The following CNOT1 variants were observed in gnomAD, a reference collection of about 807,000 sequenced individuals.
CNOT1 encodes the protein CCR4-associated factor 1.
Under a neutral mutation model 273.8 loss-of-function variants are expected in CNOT1, and 15 were observed. The ratio of observed to expected loss-of-function variants is 0.05; its 90% CI spans 0.04 to 0.08. The LOEUF is 0.08. CNOT1 is among the 10% of genes least tolerant of loss of function. The pLI is 1.00. For synonymous variants in CNOT1, 1,022 were observed against 1,005.5 expected (o/e 1.02, Z -0.31); for missense variants, 1,644 against 2,912.2 (o/e 0.56, Z 10.02).
chr16:58,538,027 C>G lies in CNOT1; in HGVS notation c.5278G>C (p.Ala1760Pro). ...ATTTTTACTAACTGCATAGCAAATG[C>G]CACAGCCATGTAGTTTAAGCCATTC... The part of the protein sequence containing the change: ...MENGLNYMAV[A>P]FAMQLVKILL... The change falls in exon 38 of 49, where the codon GCA becomes CCA. Residue 1760 changes from alanine (A) to proline (P), a missense_variant. By Grantham distance (27) the Ala-to-Pro change is conservative. This residue lies in a region of CNOT1 where 170 missense variants were observed against 273.1 expected (regional missense o/e 0.62). Coordinates refer to ENST00000317147, the MANE Select transcript of CNOT1 (RefSeq NM_016284.5). The G allele has an allele frequency of 6.2e-7, 1 of 1,614,150 alleles. No individual in the cohort carries two copies. Among genetic ancestry groups the G allele is most frequent in the Non-Finnish European group, 8.5e-7 (1 of 1,180,032 alleles).
chr16:58,532,564 T>C, intron 40 of CNOT1, 169 bp from the exon 41 acceptor site: 1 of 1,180,306 alleles, frequency 8.5e-7, no homozygotes, highest in Non-Finnish European at 1.1e-6. Context: ...TAAATTGGTC[T>C]GACTCCGCCT....
At chr16:58,525,961 A>G (rs2039569598) in intron 45 of CNOT1, 28 bp downstream of exon 45, 3 of 1,605,264 alleles carry the variant, frequency 1.9e-6, no homozygotes, top group South Asian at 2.2e-5. Flanking sequence ...TGGAAGACGT[A>G]GATGAGTTTT....
At chr16:58,618,394 C>A (rs969261234) in intron 1 of CNOT1, among the ~76,000 whole-genome samples, 7 of 151,970 alleles carry the variant, frequency 4.6e-5, no homozygotes, top group African/African-American at 1.7e-4. Flanking sequence ...CCAGCCTGGC[C>A]AACATGGTAA....
chr16:58,545,439 T>C lies in CNOT1; in HGVS notation c.4059A>G (p.Pro1353=), dbSNP rs368118724. 12 of 1,613,948 alleles carry C rather than the reference T, an allele frequency of 7.4e-6. No homozygotes were observed. In the Admixed American group the frequency reaches 1.2e-4, roughly 16 times the overall value. ...TNTTCTATVP[P]QPQYSYHDIN... is the part of the protein sequence containing the mutation. ...TGTCGTGGTAGCTGTACTGTGGCTG[T>C]GGTGGAACCGTGGCTGTACAAGTGG... The change falls in exon 30 of 49, where the codon CCA becomes CCG. Residue 1353 remains proline, a synonymous_variant. Transcript: ENST00000317147.
intron 1 of CNOT1, among the ~76,000 whole-genome samples, chr16:58,601,758 T>C (rs1358047901): frequency 1.4e-5 from 1 of 71,216 alleles, no homozygotes; most frequent in African/African-American, 4.2e-5. Flanking sequence ...AAAAAAAGCC[T>C]GTGCACGGTG....
intron 42 of CNOT1, among the ~76,000 whole-genome samples, chr16:58,531,525 A>G (rs1196864015): frequency 6.6e-6 from 1 of 152,178 alleles, no homozygotes; most frequent in Non-Finnish European, 1.5e-5. Context: ...TAAAACCAAC[A>G]AGCTCCAGAG....
chr16:58,523,743 G>A (rs373625240), intron 46 of CNOT1: 11 of 337,528 alleles, frequency 3.3e-5, no homozygotes, highest in African/African-American at 1.2e-4. Flanking sequence ...ATGTGCTAAT[G>A]TAAGAAACAT....
intron 6 of CNOT1, 107 bp from the exon 7 acceptor site, chr16:58,586,855 C>T (rs1490020227): frequency 2.2e-5 from 28 of 1,258,218 alleles, no homozygotes; most frequent in Non-Finnish European, 2.6e-5. Context: ...TTCACCAGTT[C>T]ACCCATCTCT....
chr16:58,525,031 GATAAA>G (rs750155696), intron 46 of CNOT1, 143 bp downstream of exon 46: 2 of 716,632 alleles, frequency 2.8e-6, no homozygotes, highest in Non-Finnish European at 4.7e-6. Context: ...TCCAATTAAA[GATAAA>G]ATAATCAGCT....
chr16:58,611,013 G>A (rs1442320366), intron 1 of CNOT1, among the ~76,000 whole-genome samples: 2 of 151,730 alleles, frequency 1.3e-5, no homozygotes, highest in African/African-American at 2.4e-5. Flanking sequence ...CTCCAGCCTG[G>A]GTGACAGAGC....
At chr16:58,532,768 TCTTGG>T (rs1340561055) in intron 40 of CNOT1, 1 of 173,828 alleles carries the variant, frequency 5.8e-6, no homozygotes, top group Non-Finnish European at 1.2e-5. Context: ...TTTACTCCTA[TCTTGG>T]CATTTAGTAG....
chr16:58,574,885 A>G (rs930106239), intron 15 of CNOT1, 122 bp downstream of exon 15: 10 of 1,559,920 alleles, frequency 6.4e-6, no homozygotes, highest in Non-Finnish European at 8.6e-6. Flanking sequence ...CATTTAAAAA[A>G]GTTGTTTCTT....
intron 2 of CNOT1, among the ~76,000 whole-genome samples, chr16:58,594,925 G>A (rs2042198626): frequency 6.6e-6 from 1 of 152,102 alleles, no homozygotes; most frequent in East Asian, 1.9e-4. Flanking sequence ...GACCGGCCTG[G>A]CCAAGATGGT....
intron 7 of CNOT1, among the ~76,000 whole-genome samples, chr16:58,585,934 G>GA (rs1240059976): frequency 2.0e-5 from 3 of 151,886 alleles, no homozygotes; most frequent in Non-Finnish European, 4.4e-5. Context: ...TAAACATTAA[G>GA]AAGTAAATAA....
chr16:58,575,786 A>T (rs1225685258), intron 14 of CNOT1, among the ~76,000 whole-genome samples: 3 of 143,364 alleles, frequency 2.1e-5, no homozygotes, highest in African/African-American at 7.4e-5. Context: ...CGACAGAGTA[A>T]GATTCTATCT....
intron 21 of CNOT1, among the ~76,000 whole-genome samples, chr16:58,555,047 C>G (rs891285287): frequency 2.6e-5 from 4 of 151,344 alleles, no homozygotes. Context: ...CCTGTCTGTA[C>G]AAAAATTACA....
chr16:58,580,621 C>A lies in CNOT1; in HGVS notation c.1343+12G>T. 6.3e-7 allele frequency: 1 copy of A among 1,598,492 alleles called. No homozygotes were observed. The highest frequency in any genetic ancestry group is 1.1e-5 in the South Asian group (1 of 87,304). On this transcript the variant is annotated intron_variant, in intron 12 of 48. Coordinates refer to ENST00000317147, the MANE Select transcript of CNOT1 (RefSeq NM_016284.5). The stretch of plus-strand genomic sequence containing the variant: ...GTAATCTTTTAAATGAAAGATGAAT[C>A]AAAGTGTTTACCATGTGGCAATTTC...
At chr16:58,551,039 C>CCTTTATTACCTCTACATA (rs1449759767) in intron 24 of CNOT1, 93 bp downstream of exon 24, 15 of 1,551,976 alleles carry the variant, frequency 9.7e-6, no homozygotes, top group Non-Finnish European at 1.2e-5. Flanking sequence ...ATTACCTCTA[C>CCTTTATTACCTCTACATA]CTTTAAAGTG....
chr16:58,543,440 CT>C (rs920141908), intron 31 of CNOT1, 166 bp downstream of exon 31: 56 of 1,491,100 alleles, frequency 3.8e-5, no homozygotes, highest in Non-Finnish European at 4.9e-5. Context: ...AGACATGATG[CT>C]TTGCCTCACA....
Sources: allele counts gnomAD v4.1 joint callset (sites outside exome capture counted in the v4.1 genomes callset), GRCh38; gene constraint gnomAD v4.1.1; regional missense constraint gnomAD v4.1.1; transcripts MANE v1.5; gene names NCBI Gene and HGNC (gene_info 2026-07-23, HGNC 2026-07-21).